RNF216: variants seen among roughly 807,000 people sequenced by gnomAD.
The protein encoded by RNF216 is ring finger protein 216.
Under a neutral mutation model 110.8 loss-of-function variants are expected in RNF216, and 72 were observed. The observed-to-expected ratio is 0.65, with a 90% CI of 0.54 to 0.79. The LOEUF (loss-of-function observed/expected upper bound fraction) is 0.79, where lower values mean the gene tolerates loss of function less well. RNF216 is among the 30% of genes least tolerant of loss of function. The probability of loss-of-function intolerance (pLI) is 0.00; values close to 1 mark genes in which losing one functional copy is unlikely to be tolerated. For synonymous variants in RNF216, 495 were observed against 407.5 expected, an observed-to-expected ratio of 1.21 and a Z score of -2.59; for missense variants, 1,342 against 1,141.2, an observed-to-expected ratio of 1.18 and a Z score of -2.54.
At position 5,741,232 on chromosome 7, in the gene RNF216, C is replaced by G; in HGVS notation, c.785G>C (p.Arg262Pro). ...QERQPEAELG[R>P]LLFQHEFPGP... is the part of the protein sequence containing the mutation. ...TGGGAATTCATGCTGAAACAACAAG[C>G]GGCCCAGTTCTGCTTCAGGCTGCCG... is the stretch of plus-strand genomic sequence containing the variant. The change falls in exon 4 of 17, where the codon CGC (arginine) becomes CCC (proline). Residue 262 changes from arginine to proline, a missense_variant. Coordinates refer to ENST00000389902, the MANE Select transcript of RNF216 (RefSeq NM_207111.4). 1 of 1,614,130 alleles carries G rather than the reference C, an allele frequency of 6.2e-7. No homozygotes were observed. The highest frequency in any genetic ancestry group is 8.5e-7 in the Non-Finnish European group (1 of 1,180,014).
intron 11 of RNF216, 69 bp downstream of exon 11, chr7:5,714,984 T>G: frequency 6.9e-7 from 1 of 1,443,388 alleles, no homozygotes; most frequent in Non-Finnish European, 9.4e-7. Context: ...TACACTTATC[T>G]ATCAACATGG....
rs1298515863 is a variant in RNF216, at chr7:5,730,725, T to C, written c.1214A>G (p.Asp405Gly). 3 of 1,607,182 alleles carry C rather than the reference T, an allele frequency of 1.9e-6. No homozygotes were observed. The highest frequency in any genetic ancestry group is 2.6e-6 in the Non-Finnish European group (3 of 1,175,780). ...NPSSSLLASQ[D>G]ETKLPKIDFF... ...GAACATGACACTTGCCTTTGTCTCA[T>C]CTTGGCTGGCCAGCAGACTGCTACT... The change falls in exon 6 of 17, where the codon GAT becomes GGT. Residue 405 changes from aspartate to glycine, a missense_variant. Asp to Gly is a moderately conservative substitution (Grantham distance 94). Transcript: ENST00000389902.
intron 3 of RNF216, among the ~76,000 whole-genome samples, chr7:5,749,739 A>T (rs1277630104): frequency 6.6e-6 from 1 of 152,244 alleles, no homozygotes; most frequent in Admixed American, 6.5e-5. Flanking sequence ...AACTCTGACA[A>T]ATACAAGTTT....
intron 9 of RNF216, among the ~76,000 whole-genome samples, chr7:5,717,656 T>G (rs1793147967): frequency 6.6e-6 from 1 of 152,194 alleles, no homozygotes; most frequent in Non-Finnish European, 1.5e-5. Flanking sequence ...TGGTATTACA[T>G]AAAATGGTAT....
chr7:5,633,215 G>A (rs1787184522), intron 15 of RNF216, among the ~76,000 whole-genome samples: 1 of 151,940 alleles, frequency 6.6e-6, no homozygotes, highest in Non-Finnish European at 1.5e-5. Flanking sequence ...CTGACCTTGT[G>A]ATCCACCCGC....
chr7:5,674,874 G>A (rs573302868), intron 13 of RNF216, among the ~76,000 whole-genome samples: 1 of 152,130 alleles, frequency 6.6e-6, no homozygotes, highest in South Asian at 2.1e-4. Context: ...GCACGCACCT[G>A]TAATCCCAGC....
At chr7:5,669,065 G>C (rs111617382) in intron 13 of RNF216, among the ~76,000 whole-genome samples, 1 of 152,162 alleles carries the variant, frequency 6.6e-6, no homozygotes, top group African/African-American at 2.4e-5. Flanking sequence ...GTATTTCAAC[G>C]CAGGCAGGTG....
intron 13 of RNF216, among the ~76,000 whole-genome samples, chr7:5,686,346 G>A (rs889648163): frequency 4.6e-5 from 7 of 152,034 alleles, no homozygotes; most frequent in Admixed American, 2.0e-4. Context: ...TACCTGTTGC[G>A]GCCTCATTTG....
At chr7:5,670,755 G>C (rs550773027) in intron 13 of RNF216, among the ~76,000 whole-genome samples, 160 of 152,236 alleles carry the variant, frequency 1.1e-3, no homozygotes, top group African/African-American at 3.8e-3. Flanking sequence ...TCTCATCTTT[G>C]TTGAGTTGTG....
chr7:5,650,371 G>A (rs1199703669), intron 14 of RNF216, among the ~76,000 whole-genome samples: 2 of 152,180 alleles, frequency 1.3e-5, no homozygotes, highest in African/African-American at 4.8e-5. Flanking sequence ...GCCAGGAACC[G>A]ATAGGACAAT....
chr7:5,621,026 G>T lies in RNF216; in HGVS notation c.*1834C>A, dbSNP rs777258789. 1 of 152,308 alleles carries T rather than the reference G, an allele frequency of 6.6e-6. No individual in the cohort carries two copies. Among genetic ancestry groups the T allele is most frequent in the Non-Finnish European group, 1.5e-5 (1 of 68,086 alleles). The allele number at this position is 152,308 out of a possible 1,614,324, so 9.4% of individuals were successfully genotyped here. A position where few individuals can be genotyped will look rare whatever the true frequency, so the allele number is the denominator to read the frequency against. ...TCAGGCTAGTAGCAAAGTTCAGGCA[G>T]TCCAACAGGTATGGGCGCCAGCAAG... On this transcript the variant is annotated 3_prime_UTR_variant, in exon 17 of 17. Coordinates refer to ENST00000389902, the MANE Select transcript of RNF216 (RefSeq NM_207111.4).
At chr7:5,744,929 G>A (rs1584558344) in intron 3 of RNF216, among the ~76,000 whole-genome samples, 1 of 151,330 alleles carries the variant, frequency 6.6e-6, no homozygotes, top group African/African-American at 2.4e-5. Flanking sequence ...CCAAGATCGC[G>A]CCATTGCACT....
intron 13 of RNF216, among the ~76,000 whole-genome samples, chr7:5,679,660 G>C (rs1250818276): frequency 6.6e-6 from 1 of 152,320 alleles, no homozygotes; most frequent in East Asian, 1.9e-4. Flanking sequence ...CTGAAATCGA[G>C]AGAATAGCCC....
chr7:5,716,905 T>C, intron 9 of RNF216, 139 bp from the exon 10 acceptor site: 2 of 569,976 alleles, frequency 3.5e-6, no homozygotes, highest in Non-Finnish European at 6.0e-6. Context: ...AAAGGTTACC[T>C]GTGAATAAAT....
At chr7:5,750,513 G>A (rs1222309252) in intron 3 of RNF216, among the ~76,000 whole-genome samples, 2 of 152,198 alleles carry the variant, frequency 1.3e-5, no homozygotes, top group African/African-American at 4.8e-5. Flanking sequence ...TATTTAGATT[G>A]CAGCACTGTT....
chr7:5,728,999 C>G (rs1476497429), intron 7 of RNF216, among the ~76,000 whole-genome samples: 1 of 152,188 alleles, frequency 6.6e-6, no homozygotes, highest in Non-Finnish European at 1.5e-5. Flanking sequence ...ACGCTGGGAG[C>G]TGTCAGTAGC....
intron 13 of RNF216, among the ~76,000 whole-genome samples, chr7:5,676,817 C>T (rs1173735945): frequency 6.6e-6 from 1 of 152,242 alleles, no homozygotes; most frequent in Non-Finnish European, 1.5e-5. Flanking sequence ...GTTCCAAGCA[C>T]TTCCTCTCTG....
intron 13 of RNF216, among the ~76,000 whole-genome samples, chr7:5,682,769 G>A (rs1469118091): frequency 6.6e-6 from 1 of 152,092 alleles, no homozygotes; most frequent in Non-Finnish European, 1.5e-5. Context: ...CAACACTTTT[G>A]GAAAGAAATT....
intron 13 of RNF216, among the ~76,000 whole-genome samples, chr7:5,665,195 C>A (rs1789428922): frequency 6.6e-6 from 1 of 152,148 alleles, no homozygotes; most frequent in Admixed American, 6.5e-5. Context: ...GCAGGGGATT[C>A]CTCTCTATCC....
Sources: gnomAD v4.1 joint callset for allele counts (sites outside exome capture counted in the v4.1 genomes callset) on GRCh38, gnomAD v4.1.1 for gene constraint, MANE v1.5 for transcripts, NCBI Gene and HGNC (gene_info 2026-07-23, HGNC 2026-07-21) for gene names.